FAF1: variants seen among roughly 807,000 people sequenced by gnomAD.
FAF1 encodes the protein FAS-associated factor 1.
FAF1 carries 25 observed loss-of-function variants against 92.5 expected under a neutral mutation model. That is an observed-to-expected ratio of 0.27 (90% confidence interval 0.20 to 0.38). FAF1 has a LOEUF of 0.38. Ranked by LOEUF, FAF1 falls within the 10% of genes least tolerant of loss-of-function variation. The pLI is 1.00. For missense variants in FAF1, 636 were observed against 793.3 expected (o/e 0.80, Z 2.38); for synonymous variants, 234 against 273.2 (o/e 0.86, Z 1.42).
At chr1:50,805,396 A>G (rs1174678657) in intron 2 of FAF1, among the ~76,000 whole-genome samples, 1 of 152,206 alleles carries the variant, frequency 6.6e-6, no homozygotes, top group Non-Finnish European at 1.5e-5. Context: ...CTAAAATGCC[A>G]TCTTCCATAG....
chr1:50,573,621 AC>A (rs1461934321), intron 12 of FAF1, among the ~76,000 whole-genome samples: 1 of 152,110 alleles, frequency 6.6e-6, no homozygotes, highest in Admixed American at 6.5e-5. Flanking sequence ...GATTTCAGAG[AC>A]CAACAAGCAT....
At chr1:50,814,386 C>T (rs1043561952) in intron 2 of FAF1, among the ~76,000 whole-genome samples, 1 of 151,994 alleles carries the variant, frequency 6.6e-6, no homozygotes, top group African/African-American at 2.4e-5. Context: ...AAACCAGATG[C>T]CCAACTACAG....
chr1:50,751,161 AAG>A (rs1334664133), intron 4 of FAF1, among the ~76,000 whole-genome samples: 1 of 151,374 alleles, frequency 6.6e-6, no homozygotes, highest in Non-Finnish European at 1.5e-5. Context: ...AAAAAAAAAA[AAG>A]AGCTAAACTT....
At chr1:50,523,763 A>G (rs11205727) in intron 15 of FAF1, among the ~76,000 whole-genome samples, 31,898 of 152,072 alleles carry the variant, frequency 0.21, 4,202 homozygotes, top group African/African-American at 0.38. Context: ...TGGTGTATAT[A>G]TACCACATTT....
chr1:50,855,674 G>C (rs1466696387), intron 2 of FAF1, among the ~76,000 whole-genome samples: 1 of 151,838 alleles, frequency 6.6e-6, no homozygotes, highest in Non-Finnish European at 1.5e-5. Context: ...AAACAACAAA[G>C]TGAATGCTGC....
chr1:50,466,544 G>A (rs115154906), intron 18 of FAF1, among the ~76,000 whole-genome samples: 2,669 of 152,214 alleles, frequency 0.018, 24 homozygotes, highest in Non-Finnish European at 0.027. Flanking sequence ...GGATGAGAGC[G>A]CTTAGATAAT....
chr1:50,453,203 GA>G (rs540214722), intron 18 of FAF1, among the ~76,000 whole-genome samples: 1 of 152,172 alleles, frequency 6.6e-6, no homozygotes, highest in Admixed American at 6.5e-5. Context: ...TTAAACTTCT[GA>G]AAAAATCTTT....
chr1:50,770,690 C>T (rs146272496), intron 4 of FAF1, among the ~76,000 whole-genome samples: 1 of 152,306 alleles, frequency 6.6e-6, no homozygotes, highest in African/African-American at 2.4e-5. Context: ...GAGCAATTTA[C>T]AGATTCAATG....
chr1:50,495,862 AAC>A (rs1218208050), intron 15 of FAF1, among the ~76,000 whole-genome samples: 1 of 152,198 alleles, frequency 6.6e-6, no homozygotes, highest in Non-Finnish European at 1.5e-5. Flanking sequence ...TCAGAATTTA[AAC>A]ACAGTCATTC....
intron 15 of FAF1, among the ~76,000 whole-genome samples, chr1:50,521,416 TTTAAAAGAATCTG>T (rs1415046795): frequency 1.3e-5 from 2 of 152,226 alleles, no homozygotes; most frequent in African/African-American, 4.8e-5. Flanking sequence ...TCCAATTCTT[TTTAAAAGAATCTG>T]TATAAGAAGA....
chr1:50,498,916 G>A (rs1453169477), intron 15 of FAF1, among the ~76,000 whole-genome samples: 2 of 151,534 alleles, frequency 1.3e-5, no homozygotes, highest in Non-Finnish European at 1.5e-5. Context: ...ATGTATAAAT[G>A]GCCAGTACAG....
chr1:50,693,998 A>ATT (rs1337200681), intron 7 of FAF1, among the ~76,000 whole-genome samples: 1 of 131,006 alleles, frequency 7.6e-6, no homozygotes, highest in Non-Finnish European at 1.7e-5. Context: ...TATATGTGTC[A>ATT]TTATATATAT....
intron 10 of FAF1, 43 bp downstream of exon 10, chr1:50,584,642 G>A: frequency 6.3e-7 from 1 of 1,592,606 alleles, no homozygotes; most frequent in Non-Finnish European, 8.6e-7. Context: ...TGTACTAGAA[G>A]AAAGAATTCT....
intron 15 of FAF1, among the ~76,000 whole-genome samples, chr1:50,517,676 T>C (rs1436471601): frequency 6.6e-6 from 1 of 152,198 alleles, no homozygotes; most frequent in Non-Finnish European, 1.5e-5. Flanking sequence ...CAGTCTATAT[T>C]AGGAAAGATT....
At chr1:50,530,062 T>C (rs1201891370) in intron 15 of FAF1, among the ~76,000 whole-genome samples, 1 of 152,192 alleles carries the variant, frequency 6.6e-6, no homozygotes, top group Non-Finnish European at 1.5e-5. Context: ...TCCTTGAAGT[T>C]ACTTTTAAAT....
rs369960248 is a variant in FAF1 at position 50,475,506 on chromosome 1, T to C, written c.1827A>G (p.Pro609=). ...TGCTCAGTAACTTGTACTCATCCCA[T>C]GGAAATCCTTTGGAAGCTACAAAAT... ...VFDFVASKGF[P]WDEYKLLSTF... The change falls in exon 18 of 19, where the codon CCA becomes CCG. Residue 609 remains proline, a synonymous_variant. Transcript: ENST00000396153. The C allele has an allele frequency of 1.2e-6, 2 of 1,613,982 alleles. No individual in the cohort carries two copies. The highest frequency in any genetic ancestry group is 2.7e-5 in the African/African-American group (2 of 74,924).
intron 18 of FAF1, among the ~76,000 whole-genome samples, chr1:50,465,790 G>A (rs1055427685): frequency 6.6e-6 from 1 of 152,146 alleles, no homozygotes; most frequent in African/African-American, 2.4e-5. Context: ...GCTACCTGAA[G>A]GAAGTGAGAG....
intron 2 of FAF1, among the ~76,000 whole-genome samples, chr1:50,837,083 G>A (rs568842435): frequency 3.0e-4 from 44 of 146,614 alleles, no homozygotes; most frequent in African/African-American, 9.7e-4. Flanking sequence ...TCAGCCTCCC[G>A]AGTAGCTGGG....
intron 13 of FAF1, among the ~76,000 whole-genome samples, chr1:50,555,073 C>T (rs1194445902): frequency 6.6e-6 from 1 of 152,034 alleles, no homozygotes; most frequent in Non-Finnish European, 1.5e-5. Flanking sequence ...ATAATAATAG[C>T]TGGGCATGGC....
Sources: allele counts gnomAD v4.1 joint callset (sites outside exome capture counted in the v4.1 genomes callset), GRCh38; gene constraint gnomAD v4.1.1; transcripts MANE v1.5; gene names NCBI Gene and HGNC (gene_info 2026-07-23, HGNC 2026-07-21).